The following SGSM1 variants were observed in gnomAD, a reference collection of about 807,000 sequenced individuals.
SGSM1 encodes RUN and TBC1 domain containing 2.
SGSM1 carries 73 observed loss-of-function variants against 133.8 expected under a neutral mutation model. That is an observed-to-expected ratio of 0.55 (90% CI 0.45 to 0.66). The LOEUF is 0.66. Among genes scored for constraint, SGSM1 ranks in the 30% least tolerant of loss-of-function variants. The pLI is 0.00. For missense variants in SGSM1, 1,213 were observed against 1,448.1 expected, an observed-to-expected ratio of 0.84 and a Z score of 2.64; for synonymous variants, 563 against 573.0, an observed-to-expected ratio of 0.98 and a Z score of 0.25.
At chr22:24,917,602 C>A in intron 22 of SGSM1, 56 bp from the exon 23 acceptor site, 1 of 1,320,628 alleles carries the variant, frequency 7.6e-7, no homozygotes, top group Non-Finnish European at 1.1e-6. Context: ...ATTCAGCTGT[C>A]TCCTCTGCTC....
Position 24,924,301 on chromosome 22 carries a change from C to A in SGSM1, c.*27C>A. 2 of 1,590,382 alleles carry A rather than the reference C, an allele frequency of 1.3e-6. No individual in the cohort carries two copies. The highest frequency in any genetic ancestry group is 2.2e-5 in the South Asian group (2 of 90,504). ...GGGCACCTCACCCCGGCAGCCTCAGCCAAGCTGCCCCTGCCCCGCTCCTCT... is the reference window on the plus strand; with the variant it reads ...GGGCACCTCACCCCGGCAGCCTCAGACAAGCTGCCCCTGCCCCGCTCCTCT... On this transcript the variant is annotated 3_prime_UTR_variant, in exon 25 of 25. Coordinates refer to ENST00000400358, the MANE Select transcript of SGSM1 (RefSeq NM_001098497.3).
At chr22:24,825,753 C>T (rs1928765712) in intron 2 of SGSM1, among the ~76,000 whole-genome samples, 1 of 152,206 alleles carries the variant, frequency 6.6e-6, no homozygotes, top group African/African-American at 2.4e-5. Context: ...TAAAGCCACC[C>T]TGCAGGGCCC....
intron 2 of SGSM1, among the ~76,000 whole-genome samples, chr22:24,832,607 T>C (rs1038096876): frequency 2.6e-5 from 4 of 152,176 alleles, no homozygotes; most frequent in Admixed American, 1.3e-4. Flanking sequence ...ATCTGTTAGC[T>C]GAGTCTGGCA....
intron 18 of SGSM1, among the ~76,000 whole-genome samples, chr22:24,896,084 T>C (rs1377760221): frequency 6.6e-6 from 1 of 151,970 alleles, no homozygotes; most frequent in Non-Finnish European, 1.5e-5. Flanking sequence ...TGCAAAAACA[T>C]GCATAGTGTG....
At chr22:24,815,746 A>G (rs966691922) in intron 2 of SGSM1, among the ~76,000 whole-genome samples, 5 of 152,126 alleles carry the variant, frequency 3.3e-5, no homozygotes, top group Admixed American at 2.6e-4. Flanking sequence ...CAAAAAACAA[A>G]CAAACTGGAA....
At chr22:24,871,276 T>G (rs1411119126) in intron 12 of SGSM1, among the ~76,000 whole-genome samples, 1 of 152,176 alleles carries the variant, frequency 6.6e-6, no homozygotes, top group Non-Finnish European at 1.5e-5. Flanking sequence ...ATCACTGTAT[T>G]CAGCTCTGCC....
chr22:24,898,626 A>G, intron 19 of SGSM1, 67 bp downstream of exon 19: 2 of 1,455,728 alleles, frequency 1.4e-6, no homozygotes, highest in Admixed American at 2.1e-5. Flanking sequence ...ATGTACTACA[A>G]GCCTGTTATC....
chr22:24,923,131 C>T (rs932956026), intron 24 of SGSM1, among the ~76,000 whole-genome samples: 10 of 148,346 alleles, frequency 6.7e-5, no homozygotes, highest in African/African-American at 2.4e-4. Context: ...CAGAGTGAGA[C>T]CTTGTCTCAA....
intron 12 of SGSM1, among the ~76,000 whole-genome samples, chr22:24,872,392 C>G (rs778895939): frequency 6.6e-5 from 10 of 152,060 alleles, no homozygotes; most frequent in Admixed American, 2.0e-4. Flanking sequence ...AGCAGGGTAG[C>G]CATGGGCTAC....
intron 19 of SGSM1, among the ~76,000 whole-genome samples, chr22:24,900,405 T>TCCTTCC (rs1933109874): frequency 1.5e-5 from 1 of 67,404 alleles, no homozygotes; most frequent in African/African-American, 4.9e-5. Flanking sequence ...CTTTCTTTCT[T>TCCTTCC]TCTGTATTTT....
intron 9 of SGSM1, among the ~76,000 whole-genome samples, chr22:24,860,922 A>AATATATATATATATATATAT (rs1555926665): frequency 8.0e-4 from 30 of 37,582 alleles, no homozygotes; most frequent in African/African-American, 2.3e-3. Context: ...AAAAAAAAAA[A>AATATATATATATATATATAT]ATATATATAT....
At chr22:24,896,025 G>A (rs1932906275) in intron 18 of SGSM1, among the ~76,000 whole-genome samples, 2 of 152,070 alleles carry the variant, frequency 1.3e-5, no homozygotes, top group South Asian at 2.1e-4. Flanking sequence ...CTCCAGCCTG[G>A]GTGACAGAGT....
At position 24,884,093 on chromosome 22, in the gene SGSM1, C is replaced by T. The variant is rs1212831350; in HGVS notation, c.1536C>T (p.His512=). The T allele has an allele frequency of 6.2e-7, 1 of 1,613,490 alleles. No individual in the cohort carries two copies. Among genetic ancestry groups the T allele is most frequent in the African/African-American group, 1.3e-5 (1 of 74,916 alleles). ...GACACCTGTCCACCGTGAGAACCCA[C>T]CTATCAGCCCTGGTCAATCACATGA... ...YCRHLSTVRT[H]LSALVNHMIV... is the part of the protein sequence containing the mutation. The change falls in exon 15 of 25, where the codon CAC becomes CAT. Residue 512 remains histidine, a synonymous_variant. Transcript: ENST00000400358.
At chr22:24,912,036 C>T (rs1165919417) in intron 21 of SGSM1, among the ~76,000 whole-genome samples, 1 of 140,162 alleles carries the variant, frequency 7.1e-6, no homozygotes, top group African/African-American at 2.7e-5. Context: ...GCCTGGGCGA[C>T]AGAGCGAGAT....
chr22:24,895,386 T>C lies in SGSM1; in HGVS notation c.2022+95T>C, dbSNP rs1016196706. On this transcript the variant is annotated intron_variant, in intron 18 of 24. Transcript: ENST00000400358. ...GTGTCCGTCATCTGTAGGTCACTTT[T>C]TGCTTTATTTGTTTTAGCTTTTTAT... 24 of 1,282,212 alleles carry C rather than the reference T, an allele frequency of 1.9e-5. No individual in the cohort carries two copies. In the African/African-American group the frequency reaches 3.3e-4, roughly 17 times the overall value. The allele number at this position is 1,282,212 out of a possible 1,614,324, so 79.4% of individuals were successfully genotyped here. A position where few individuals can be genotyped will look rare whatever the true frequency, so the allele number is the denominator to read the frequency against.
At chr22:24,863,055 C>T (rs1036270168) in intron 9 of SGSM1, among the ~76,000 whole-genome samples, 3 of 152,190 alleles carry the variant, frequency 2.0e-5, no homozygotes, top group Admixed American at 6.5e-5. Context: ...GCATTGGATC[C>T]GAGGATTGCC....
intron 21 of SGSM1, among the ~76,000 whole-genome samples, chr22:24,908,331 TAAAG>T (rs146707230): frequency 0.36 from 55,227 of 151,324 alleles, 10,386 homozygotes; most frequent in East Asian, 0.63. Context: ...ACCAAAAACA[TAAAG>T]AAAGAAAAAA....
chr22:24,903,743 G>A lies in SGSM1; in HGVS notation c.2736-1362G>A, dbSNP rs116748054. ...ACGGCGGCTCATGGGAGGTCGAGGCGGCCAGATCACCTGAGGTCAGGAGTT... is the reference window on the plus strand; with the variant it reads ...ACGGCGGCTCATGGGAGGTCGAGGCAGCCAGATCACCTGAGGTCAGGAGTT... On this transcript the variant is annotated intron_variant, in intron 20 of 24. Transcript: ENST00000400358. Among the ~76,000 whole-genome samples, 666 of 152,028 alleles carry A rather than the reference G, an allele frequency of 4.4e-3. 8 individuals carry two copies. The highest frequency in any genetic ancestry group is 0.015 in the African/African-American group (612 of 41,488).
At chr22:24,859,862 G>A (rs750039083) in intron 9 of SGSM1, 22 bp downstream of exon 9, 17 of 1,612,424 alleles carry the variant, frequency 1.1e-5, no homozygotes, top group Admixed American at 1.7e-5. Flanking sequence ...GGTCTGATAC[G>A]TATCCCTTGG....
Sources: gnomAD v4.1 joint callset for allele counts (sites outside exome capture counted in the v4.1 genomes callset) on GRCh38, gnomAD v4.1.1 for gene constraint, MANE v1.5 for transcripts, NCBI Gene and HGNC (gene_info 2026-07-23, HGNC 2026-07-21) for gene names.